The following SNX9 variants were observed in gnomAD, a reference collection of about 807,000 sequenced individuals.
The protein encoded by SNX9 is sorting nexin-9.
SNX9 carries 44 observed loss-of-function variants against 89.4 expected under a neutral mutation model. That is an observed-to-expected ratio of 0.49 (90% CI 0.39 to 0.63). The LOEUF is 0.63. Among genes scored for constraint, SNX9 ranks in the 30% least tolerant of loss-of-function variants. The pLI is 0.00. For synonymous variants in SNX9, 236 were observed against 247.8 expected, an observed-to-expected ratio of 0.95 and a Z score of 0.45; for missense variants, 578 against 736.1, an observed-to-expected ratio of 0.79 and a Z score of 2.49.
chr6:157,846,535 G>A (rs1297048083), intron 1 of SNX9, among the ~76,000 whole-genome samples: 3 of 152,210 alleles, frequency 2.0e-5, no homozygotes, highest in Non-Finnish European at 4.4e-5. Context: ...ATCATTTTGA[G>A]TAGCTTAAAG....
chr6:157,908,168 C>A (rs1783257550), intron 7 of SNX9, among the ~76,000 whole-genome samples: 1 of 152,048 alleles, frequency 6.6e-6, no homozygotes. Context: ...GAGGTCTCAG[C>A]CGAAACAAAT....
intron 3 of SNX9, among the ~76,000 whole-genome samples, chr6:157,873,959 G>A (rs1041141525): frequency 3.3e-5 from 5 of 152,226 alleles, no homozygotes; most frequent in African/African-American, 1.2e-4. Flanking sequence ...CAAACCGAGC[G>A]AAGGTTCTTG....
rs550515915 is a variant in SNX9 at position 157,875,319 on chromosome 6, G to A, written c.300+143G>A. ...TTTTAGGTTGTTCTGTGGCATTTCT[G>A]TTGGGTACTAACAAAGAAATCACCT... On this transcript the variant is annotated intron_variant, in intron 4 of 17. Transcript: ENST00000392185. The A allele has an allele frequency of 1.9e-5, 22 of 1,137,724 alleles. No homozygotes were observed. The South Asian group carries it at 4.1e-4, about 21-fold the overall frequency. 70.5% of individuals were successfully genotyped at this position (1,137,724 alleles called of 1,614,324 possible).
intron 4 of SNX9, among the ~76,000 whole-genome samples, chr6:157,891,751 G>T (rs3805773): frequency 6.6e-6 from 1 of 152,178 alleles, no homozygotes; most frequent in Non-Finnish European, 1.5e-5. Flanking sequence ...CTGTGGGAAG[G>T]CCAGAGCCCT....
intron 4 of SNX9, among the ~76,000 whole-genome samples, chr6:157,875,579 T>G (rs2115142830): frequency 6.6e-6 from 1 of 152,252 alleles, no homozygotes; most frequent in South Asian, 2.1e-4. Context: ...GGCATGTTGC[T>G]TACACTCTCA....
chr6:157,908,505 C>G (rs2115177627), intron 7 of SNX9, among the ~76,000 whole-genome samples: 1 of 152,294 alleles, frequency 6.6e-6, no homozygotes, highest in South Asian at 2.1e-4. Context: ...GTCTGAACCT[C>G]TAGAATCTGT....
At position 157,902,063 on chromosome 6, in the gene SNX9, C is replaced by T. The variant is rs2115170102; in HGVS notation, c.620+18C>T. 6.2e-7 allele frequency: 1 copy of T among 1,611,198 alleles called. No individual in the cohort carries two copies. Among genetic ancestry groups the T allele is most frequent in the Middle Eastern group, 1.7e-4 (1 of 5,938 alleles). The stretch of plus-strand genomic sequence containing the variant: ...CTTAACAAGTAAGTTTAAAGGGGAG[C>T]CAGGGAACCAGGGCCGTGGTAGAAG... On this transcript the variant is annotated intron_variant, in intron 6 of 17. Coordinates refer to ENST00000392185, the MANE Select transcript of SNX9 (RefSeq NM_016224.5).
intron 6 of SNX9, 72 bp from the exon 7 acceptor site, chr6:157,906,056 A>G: frequency 1.5e-6 from 2 of 1,291,948 alleles, no homozygotes; most frequent in Non-Finnish European, 2.2e-6. Flanking sequence ...CTGGTAAGTA[A>G]ATGTAGACGA....
At chr6:157,870,334 TCA>T (rs1426793097) in intron 2 of SNX9, among the ~76,000 whole-genome samples, 1 of 148,914 alleles carries the variant, frequency 6.7e-6, no homozygotes, top group African/African-American at 2.5e-5. Flanking sequence ...TCACCTGCGC[TCA>T]CACTCACACT....
intron 13 of SNX9, among the ~76,000 whole-genome samples, chr6:157,933,718 G>A (rs1783863199): frequency 6.6e-6 from 1 of 152,180 alleles, no homozygotes; most frequent in South Asian, 2.1e-4. Context: ...GTGGCTCTGT[G>A]ATGTCTCAAC....
At chr6:157,868,771 T>C (rs1001084628) in intron 2 of SNX9, among the ~76,000 whole-genome samples, 3 of 152,228 alleles carry the variant, frequency 2.0e-5, no homozygotes, top group African/African-American at 7.2e-5. Context: ...CAGGCTTATA[T>C]AGATGGAGAA....
At chr6:157,937,339 C>G in intron 14 of SNX9, 95 bp from the exon 15 acceptor site, 1 of 800,480 alleles carries the variant, frequency 1.2e-6, no homozygotes, top group Non-Finnish European at 2.1e-6. Flanking sequence ...TAGTGTAGCA[C>G]ATGCAGGATT....
intron 1 of SNX9, among the ~76,000 whole-genome samples, chr6:157,838,567 GT>G (rs1488045872): frequency 6.6e-6 from 1 of 152,092 alleles, no homozygotes; most frequent in African/African-American, 2.4e-5. Flanking sequence ...AAACTTAAGA[GT>G]AAAAATAAAT....
chr6:157,834,549 C>T (rs1296443713), intron 1 of SNX9, among the ~76,000 whole-genome samples: 1 of 151,548 alleles, frequency 6.6e-6, no homozygotes, highest in Non-Finnish European at 1.5e-5. Flanking sequence ...GAATTGAGGT[C>T]TCGCCATGTT....
Position 157,823,976 on chromosome 6 carries a change from T to C in SNX9, c.12+530T>C, listed in dbSNP as rs1446987340. ...CTCGCGGCCGGGGAGGGACCGAGGC[T>C]GGGACGCCCCGCGCCCCTTTGCCTT... On this transcript the variant is annotated intron_variant, in intron 1 of 17. Coordinates refer to ENST00000392185, the MANE Select transcript of SNX9 (RefSeq NM_016224.5). The surrounding 1 kb of genome is among the most constrained non-coding windows in gnomAD (Gnocchi z 4.6). Among the ~76,000 whole-genome samples the C allele has an allele frequency of 1.3e-5, 2 of 152,170 alleles. No homozygotes were observed. The highest frequency in any genetic ancestry group is 2.4e-5 in the African/African-American group (1 of 41,446).
rs1583182629 is a variant in SNX9, at chr6:157,823,250, G to C, written c.-185G>C. Reference sequence around the variant, plus strand: ...AACTGCAGGAGCGTGCGGCGCGGGAGTAGCCGAGCGCCCAGCGGCTGGGCC... The same window carrying C: ...AACTGCAGGAGCGTGCGGCGCGGGACTAGCCGAGCGCCCAGCGGCTGGGCC... On this transcript the variant is annotated 5_prime_UTR_variant, in exon 1 of 18. Coordinates refer to ENST00000392185, the MANE Select transcript of SNX9 (RefSeq NM_016224.5). This position sits in a 1 kb window ranked among gnomAD's most constrained non-coding sequence, Gnocchi z 4.6. The C allele has an allele frequency of 3.3e-6, 1 of 303,602 alleles. No homozygotes were observed. The highest frequency in any genetic ancestry group is 6.9e-5 in the East Asian group (1 of 14,520). The allele number at this position is 303,602 out of a possible 1,614,324, so 18.8% of individuals were successfully genotyped here. A position where few individuals can be genotyped will look rare whatever the true frequency, so the allele number is the denominator to read the frequency against.
At chr6:157,842,346 C>T (rs1361648353) in intron 1 of SNX9, among the ~76,000 whole-genome samples, 1 of 152,148 alleles carries the variant, frequency 6.6e-6, no homozygotes. Context: ...AAAATATATG[C>T]ATGTCTTGCT....
At chr6:157,935,699 G>A (rs1783909427) in intron 13 of SNX9, among the ~76,000 whole-genome samples, 1 of 152,148 alleles carries the variant, frequency 6.6e-6, no homozygotes, top group African/African-American at 2.4e-5. Context: ...ATGTTTTAGA[G>A]TCCTCATCTA....
chr6:157,887,872 TC>T (rs1782769921), intron 4 of SNX9, among the ~76,000 whole-genome samples: 1 of 152,208 alleles, frequency 6.6e-6, no homozygotes, highest in African/African-American at 2.4e-5. Context: ...AGTACTGACT[TC>T]CCTACAGGAC....
Sources: gnomAD v4.1 joint callset for allele counts (sites outside exome capture counted in the v4.1 genomes callset) on GRCh38, gnomAD v4.1.1 for gene constraint, Gnocchi (gnomAD v3.1) non-coding constraint, MANE v1.5 for transcripts, NCBI Gene and HGNC (gene_info 2026-07-23, HGNC 2026-07-21) for gene names.